The following DEAF1 variants were observed in gnomAD, a reference collection of about 807,000 sequenced individuals.
DEAF1 encodes DEAF1 transcription factor, also known as deformed epidermal autoregulatory factor 1 homolog.
A neutral mutation model predicts 58.9 loss-of-function variants in DEAF1; 53 were observed. That is an observed-to-expected ratio of 0.90 (90% CI 0.72 to 1.13). DEAF1 has a LOEUF of 1.13. DEAF1 is among the 50% of genes most tolerant of loss of function. The probability of loss-of-function intolerance (pLI) is 0.00; values close to 1 mark genes in which losing one functional copy is unlikely to be tolerated. For synonymous variants in DEAF1, 385 were observed against 340.4 expected, an observed-to-expected ratio of 1.13 and a Z score of -1.44; for missense variants, 685 against 791.4, an observed-to-expected ratio of 0.87 and a Z score of 1.61.
intron 1 of DEAF1, chr11:703,483 G>T: frequency 8.0e-7 from 1 of 1,257,262 alleles, no homozygotes; most frequent in East Asian, 3.1e-5. Flanking sequence ...GGCCCCCAGG[G>T]CCGAGAGGGA....
At chr11:681,570 C>G (rs1860372982) in intron 6 of DEAF1, among the ~76,000 whole-genome samples, 1 of 152,060 alleles carries the variant, frequency 6.6e-6, no homozygotes, top group Non-Finnish European at 1.5e-5. Flanking sequence ...GCCACCAAGC[C>G]TGGCTAGTGT....
intron 2 of DEAF1, among the ~76,000 whole-genome samples, chr11:690,654 A>C (rs1206317691): frequency 1.3e-5 from 2 of 152,030 alleles, no homozygotes; most frequent in East Asian, 3.9e-4. Context: ...GCTGAGGCAC[A>C]AGAATGGCTT....
At chr11:693,035 C>T (rs1036238945) in intron 1 of DEAF1, among the ~76,000 whole-genome samples, 2 of 152,218 alleles carry the variant, frequency 1.3e-5, no homozygotes. Flanking sequence ...CCTCAGGCGG[C>T]AGCGTGTCCT....
chr11:673,724 ACAGG>A (rs1224273130), intron 10 of DEAF1, among the ~76,000 whole-genome samples: 1 of 152,126 alleles, frequency 6.6e-6, no homozygotes, highest in East Asian at 1.9e-4. Flanking sequence ...TGCTGAGCAG[ACAGG>A]CGCCCTCCTC....
At chr11:686,022 C>T (rs1860578246) in intron 5 of DEAF1, among the ~76,000 whole-genome samples, 2 of 151,680 alleles carry the variant, frequency 1.3e-5, no homozygotes, top group Admixed American at 6.6e-5. Context: ...GTGGCTCACA[C>T]CTGTAATCCC....
intron 1 of DEAF1, chr11:704,029 C>T: frequency 8.4e-7 from 1 of 1,196,044 alleles, no homozygotes; most frequent in Non-Finnish European, 1.0e-6. Flanking sequence ...TCACTTGATT[C>T]TATTGTGTGT....
chr11:669,250 C>T (rs897709322), intron 10 of DEAF1, among the ~76,000 whole-genome samples: 9 of 151,536 alleles, frequency 5.9e-5, no homozygotes, highest in Non-Finnish European at 1.2e-4. Flanking sequence ...CCATGCCTGG[C>T]CGAAATAAAT....
chr11:678,761 G>A lies in DEAF1; in HGVS notation c.1188C>T (p.Gly396=). 6.2e-7 allele frequency: 1 copy of A among 1,614,196 alleles called. No homozygotes were observed. Among genetic ancestry groups the A allele is most frequent in the Middle Eastern group, 1.6e-4 (1 of 6,062 alleles). Residue 396 remains glycine, a synonymous_variant, in exon 9 of 12, where the codon GGC becomes GGT. Transcript: ENST00000382409. The stretch of plus-strand genomic sequence containing the variant: ...GTGCGATCTGGCAGCTGTCCTGATA[G>A]CCGGGGTAGTGAGGCTCAGGGTGGC... ...RASHPEPHYP[G]YQDSCQIAPF...
Position 660,864 on chromosome 11 carries a change from C to T in DEAF1, c.1504-6813G>A, listed in dbSNP as rs573658137. On this transcript the variant is annotated intron_variant, in intron 10 of 11. Coordinates refer to ENST00000382409, the MANE Select transcript of DEAF1 (RefSeq NM_021008.4). Reference sequence around the variant, plus strand: ...TCACTGAAACACAAGCCCCTCTCGGCGCTGCTTGAGGCACCCGCGGCCTTA... The same window carrying T: ...TCACTGAAACACAAGCCCCTCTCGGTGCTGCTTGAGGCACCCGCGGCCTTA... 2.0e-4 allele frequency among the ~76,000 whole-genome samples: 30 copies of T among 150,318 alleles called. No homozygotes were observed. In the South Asian group the frequency reaches 5.6e-3, roughly 28 times the overall value.
chr11:663,087 G>T (rs1387159486), intron 10 of DEAF1, among the ~76,000 whole-genome samples: 2 of 152,158 alleles, frequency 1.3e-5, no homozygotes, highest in African/African-American at 4.8e-5. Context: ...CTGACTGGGC[G>T]AATATCTTGA....
At chr11:695,690 G>A, upstream of DEAF1, 1 of 1,243,308 alleles carries the variant, frequency 8.0e-7, no homozygotes, top group Non-Finnish European at 1.0e-6. Flanking sequence ...GGCCTCGGCC[G>A]TGGCTCGGAC....
chr11:647,131 C>T (rs1007480149), intron 11 of DEAF1, among the ~76,000 whole-genome samples: 1 of 152,164 alleles, frequency 6.6e-6, no homozygotes, highest in African/African-American at 2.4e-5. Flanking sequence ...GGACTGCAGC[C>T]TGGGTGACAA....
At chr11:673,233 A>G (rs2133360955) in intron 10 of DEAF1, among the ~76,000 whole-genome samples, 1 of 152,344 alleles carries the variant, frequency 6.6e-6, no homozygotes, top group Admixed American at 6.5e-5. Flanking sequence ...AAGTTCTTCT[A>G]TAAAAAGTAG....
At chr11:704,376 C>G in intron 1 of DEAF1, 1 of 1,110,512 alleles carries the variant, frequency 9.0e-7, no homozygotes, top group Admixed American at 2.3e-5. Context: ...TGCCTGTCTT[C>G]GTGGAAGCGG....
At chr11:650,279 T>C (rs1168308294) in intron 11 of DEAF1, among the ~76,000 whole-genome samples, 2 of 143,016 alleles carry the variant, frequency 1.4e-5, no homozygotes, top group African/African-American at 5.3e-5. Context: ...GAGGCTGAGC[T>C]ATGAGAATCA....
intron 11 of DEAF1, among the ~76,000 whole-genome samples, chr11:646,786 T>A (rs928932657): frequency 6.6e-6 from 1 of 152,076 alleles, no homozygotes; most frequent in Non-Finnish European, 1.5e-5. Context: ...AAAGCCAGAA[T>A]TAGAAGTTAG....
intron 6 of DEAF1, 73 bp from the exon 7 acceptor site, chr11:681,162 A>G: frequency 6.2e-7 from 1 of 1,606,430 alleles, no homozygotes; most frequent in South Asian, 1.1e-5. Context: ...CTCCTCCTTA[A>G]GTGGGGGCAC....
intron 1 of DEAF1, chr11:700,646 G>A: frequency 3.7e-6 from 6 of 1,614,128 alleles, no homozygotes; most frequent in Non-Finnish European, 5.1e-6. Flanking sequence ...ACCGCTACCT[G>A]GTCCTCGATC....
intron 1 of DEAF1, among the ~76,000 whole-genome samples, chr11:702,545 G>A (rs1052968928): frequency 1.3e-5 from 2 of 152,218 alleles, no homozygotes; most frequent in Admixed American, 6.5e-5. Flanking sequence ...AAATTTTCCA[G>A]AACTGGCCTT....
Sources: gnomAD v4.1 joint callset for allele counts (sites outside exome capture counted in the v4.1 genomes callset) on GRCh38, gnomAD v4.1.1 for gene constraint, MANE v1.5 for transcripts, NCBI Gene and HGNC (gene_info 2026-07-23, HGNC 2026-07-21) for gene names.